The following AADACL3 variants were observed in gnomAD, a reference collection of about 807,000 sequenced individuals.
AADACL3 encodes arylacetamide deacetylase-like 3.
AADACL3 carries 13 observed loss-of-function variants against 13.6 expected under a neutral mutation model. The ratio of observed to expected loss-of-function variants is 0.95; its 90% CI spans 0.62 to 1.52. The LOEUF (loss-of-function observed/expected upper bound fraction) is 1.52, where lower values mean the gene tolerates loss of function less well. AADACL3 is among the 40% of genes most tolerant of loss of function. The pLI is 0.00. For missense variants in AADACL3, 519 were observed against 499.2 expected (o/e 1.04, Z -0.38); for synonymous variants, 195 against 197.0 (o/e 0.99, Z 0.08).
chr1:12,720,872 T>C lies in AADACL3; in HGVS notation c.386-11T>C. 6.2e-7 allele frequency: 1 copy of C among 1,609,610 alleles called. No individual in the cohort carries two copies. Among genetic ancestry groups the C allele is most frequent in the East Asian group, 2.2e-5 (1 of 44,644 alleles). On this transcript the variant is annotated splice_polypyrimidine_tract_variant and intron_variant, in intron 2 of 3. Transcript: ENST00000359318. The stretch of plus-strand genomic sequence containing the variant: ...CTTCCTAGTGAATCTTAAAAACCAT[T>C]TATTTTCTAGAAACCCACCATGGCA...
At position 12,726,357 on chromosome 1, in the gene AADACL3, G is replaced by A. The variant is rs1311281585; in HGVS notation, c.*361G>A. ...TTGATCCAGACTGTGTGTGACTTTC[G>A]TCCATTTGACTTGACTTTGGAATAG... On this transcript the variant is annotated 3_prime_UTR_variant, in exon 4 of 4. Coordinates refer to ENST00000359318, the MANE Select transcript of AADACL3 (RefSeq NM_001103170.3). 4 of 218,174 alleles carry A rather than the reference G, an allele frequency of 1.8e-5. No homozygotes were observed. Among genetic ancestry groups the A allele is most frequent in the Non-Finnish European group, 3.6e-5 (4 of 110,882 alleles). The allele number at this position is 218,174 out of a possible 1,614,324, so 13.5% of individuals were successfully genotyped here. A position where few individuals can be genotyped will look rare whatever the true frequency, so the allele number is the denominator to read the frequency against.
rs1648426225 is a variant in AADACL3 at position 12,716,160 on chromosome 1, T to C, written c.-17T>C. Reference sequence around the variant, plus strand: ...TGCGCACAGCTTCCTCTCAGCCCGCTCTGAGCTGGAAGCAGCATGTGGGAC... The same window carrying C: ...TGCGCACAGCTTCCTCTCAGCCCGCCCTGAGCTGGAAGCAGCATGTGGGAC... On this transcript the variant is annotated 5_prime_UTR_variant, in exon 1 of 4. Transcript: ENST00000359318. 1 of 755,634 alleles carries C rather than the reference T, an allele frequency of 1.3e-6. No individual in the cohort carries two copies. Among genetic ancestry groups the C allele is most frequent in the African/African-American group, 1.7e-5 (1 of 58,844 alleles). The allele number at this position is 755,634 out of a possible 1,614,324, so 46.8% of individuals were successfully genotyped here.
Position 12,725,873 on chromosome 1 carries a change from G to A in AADACL3, c.1101G>A (p.Val367=), listed in dbSNP as rs1216121928. The A allele has an allele frequency of 2.5e-6, 4 of 1,614,088 alleles. No individual in the cohort carries two copies. The highest frequency in any genetic ancestry group is 3.4e-6 in the Non-Finnish European group (4 of 1,180,042). ...KKRLEDLGVP[V]TWHHMEDGFH... ...GGCTGGAAGACCTGGGAGTGCCCGTGACCTGGCACCATATGGAGGATGGTT... is the reference window on the plus strand; with the variant it reads ...GGCTGGAAGACCTGGGAGTGCCCGTAACCTGGCACCATATGGAGGATGGTT... The change falls in exon 4 of 4, where the codon GTG becomes GTA. Residue 367 remains valine, a synonymous_variant. Coordinates refer to ENST00000359318, the MANE Select transcript of AADACL3 (RefSeq NM_001103170.3).
At chr1:12,719,393 G>A in intron 1 of AADACL3, 82 bp from the exon 2 acceptor site, 1 of 1,341,692 alleles carries the variant, frequency 7.5e-7, no homozygotes, top group African/African-American at 1.4e-5. Flanking sequence ...TGCCACCTGT[G>A]GAGGGCAGGT....
chr1:12,726,557 T>C lies in AADACL3; in HGVS notation c.*561T>C, dbSNP rs1639910921. 6.5e-6 allele frequency: 1 copy of C among 152,884 alleles called. No homozygotes were observed. Among genetic ancestry groups the C allele is most frequent in the Non-Finnish European group, 1.5e-5 (1 of 68,604 alleles). 9.5% of individuals were successfully genotyped at this position (152,884 alleles called of 1,614,324 possible). A position where few individuals can be genotyped will look rare whatever the true frequency, so the allele number is the denominator to read the frequency against. ...TGTTTCTCAGCCTCTGGGATCAGAG[T>C]CTTCACTGTCTGGGCTGGAAACTTT... is the stretch of plus-strand genomic sequence containing the variant. On this transcript the variant is annotated 3_prime_UTR_variant, in exon 4 of 4. Transcript: ENST00000359318.
chr1:12,720,474 G>A (rs549986578), intron 2 of AADACL3, among the ~76,000 whole-genome samples: 1 of 152,230 alleles, frequency 6.6e-6, no homozygotes, highest in South Asian at 2.1e-4. Context: ...AACACTCTAC[G>A]AGTTAGATAT....
chr1:12,720,824 T>A (rs1638237391), intron 2 of AADACL3, 59 bp from the exon 3 acceptor site: 2 of 1,470,396 alleles, frequency 1.4e-6, no homozygotes, highest in East Asian at 4.7e-5. Flanking sequence ...AAGAAGACGG[T>A]GACAATGGCT....
At chr1:12,719,235 T>C (rs1277627233) in intron 1 of AADACL3, among the ~76,000 whole-genome samples, 1 of 151,982 alleles carries the variant, frequency 6.6e-6, no homozygotes, top group Non-Finnish European at 1.5e-5. Flanking sequence ...CAGTGGAAGG[T>C]GTCAGGAGAG....
chr1:12,723,161 T>C (rs1357787272), intron 3 of AADACL3, among the ~76,000 whole-genome samples: 2 of 152,134 alleles, frequency 1.3e-5, no homozygotes, highest in African/African-American at 4.8e-5. Context: ...TGTGAGCCAC[T>C]ATGCCTGCCC....
chr1:12,717,461 C>T lies in AADACL3; in HGVS notation c.168+1117C>T, dbSNP rs565509363. Among the ~76,000 whole-genome samples the T allele has an allele frequency of 8.5e-5, 13 of 152,334 alleles. No individual in the cohort carries two copies. In the East Asian group the frequency reaches 9.6e-4, roughly 11 times the overall value. On this transcript the variant is annotated intron_variant, in intron 1 of 3. Coordinates refer to ENST00000359318, the MANE Select transcript of AADACL3 (RefSeq NM_001103170.3). The stretch of plus-strand genomic sequence containing the variant: ...AGAAGGCTTATTATAATGCCTGACA[C>T]AGAGGGAGCCCTCCTTAAATAGTAG...
rs575192526 is a variant in AADACL3 at position 12,727,573 on chromosome 1, G to T, written c.*1577G>T. On this transcript the variant is annotated 3_prime_UTR_variant, in exon 4 of 4. Coordinates refer to ENST00000359318, the MANE Select transcript of AADACL3 (RefSeq NM_001103170.3). ...TGGTTAGTGGTCTTTACAGGCCAAG[G>T]TCAAGGCCATTGCACAAAAAACCCT... 1 of 152,342 alleles carries T rather than the reference G, an allele frequency of 6.6e-6. No homozygotes were observed. The highest frequency in any genetic ancestry group is 1.5e-5 in the Non-Finnish European group (1 of 68,050). 9.4% of individuals were successfully genotyped at this position (152,342 alleles called of 1,614,324 possible).
At position 12,719,595 on chromosome 1, in the gene AADACL3, AT is replaced by A; in HGVS notation, c.290del (p.Ile97ThrfsTer3). 5.0e-6 allele frequency: 8 copies of A among 1,614,080 alleles called. No individual in the cohort carries two copies. The highest frequency in any genetic ancestry group is 6.8e-6 in the Non-Finnish European group (8 of 1,179,980). ...GGTCACGGATTTCCGCTTTGGGACA[AT>A]CCCTGTGAAGCTGTACCAACCCAAG... is the stretch of plus-strand genomic sequence containing the variant. Reference protein sequence around the residue: ...VVVTDFRFGTIPVKLYQPKAS... With the variant: ...VVVTDFRFGTXPVKLYQPKAS... On this transcript the variant is annotated frameshift_variant, in exon 2 of 4. Coordinates refer to ENST00000359318, the MANE Select transcript of AADACL3 (RefSeq NM_001103170.3). LOFTEE classifies it high-confidence loss of function.
In AADACL3 at chr1:12,725,859, C is replaced by T. The variant is rs200358413; in HGVS notation, c.1087C>T (p.Leu363=). Reference sequence around the variant, plus strand: ...GTTGTACAAGAAAAGGCTGGAAGACCTGGGAGTGCCCGTGACCTGGCACCA... The same window carrying T: ...GTTGTACAAGAAAAGGCTGGAAGACTTGGGAGTGCCCGTGACCTGGCACCA... ...SLLYKKRLED[L]GVPVTWHHME... Residue 363 remains leucine (L), a synonymous_variant, in exon 4 of 4, where the codon CTG becomes TTG. Coordinates refer to ENST00000359318, the MANE Select transcript of AADACL3 (RefSeq NM_001103170.3). The T allele has an allele frequency of 6.2e-7, 1 of 1,614,202 alleles. No homozygotes were observed.
In AADACL3 at chr1:12,726,149, C is replaced by A; in HGVS notation, c.*153C>A. 2 of 784,442 alleles carry A rather than the reference C, an allele frequency of 2.5e-6. No individual in the cohort carries two copies. The highest frequency in any genetic ancestry group is 4.0e-6 in the Non-Finnish European group (2 of 504,846). The allele number at this position is 784,442 out of a possible 1,614,324, so 48.6% of individuals were successfully genotyped here. On this transcript the variant is annotated 3_prime_UTR_variant, in exon 4 of 4. Transcript: ENST00000359318. Reference sequence around the variant, plus strand: ...TTCTGGTCCAGGTTCTAGAACCACACAATGCATGCTCCTGATGTCCAGAGG... The same window carrying A: ...TTCTGGTCCAGGTTCTAGAACCACAAAATGCATGCTCCTGATGTCCAGAGG...
At chr1:12,721,739 C>T (rs1213858831) in intron 3 of AADACL3, among the ~76,000 whole-genome samples, 1 of 152,150 alleles carries the variant, frequency 6.6e-6, no homozygotes, top group East Asian at 1.9e-4. Flanking sequence ...AAGGGAGGTC[C>T]CCCTGGCTGA....
chr1:12,720,942 G>T lies in AADACL3; in HGVS notation c.445G>T (p.Val149Phe). ...GGAGAGTGACTCCGTGGTTCTGGCA[G>T]TTGGGTGAGTAAAGGGGAGATCCCA... ...CKESDSVVLAVGYRKLPKHKF... is the reference protein window; with the variant it reads ...CKESDSVVLAFGYRKLPKHKF... Residue 149 changes from valine to phenylalanine, a missense_variant, in exon 3 of 4, where the codon GTT becomes TTT. Coordinates refer to ENST00000359318, the MANE Select transcript of AADACL3 (RefSeq NM_001103170.3). 1 of 1,609,090 alleles carries T rather than the reference G, an allele frequency of 6.2e-7. No individual in the cohort carries two copies. Among genetic ancestry groups the T allele is most frequent in the Non-Finnish European group, 8.5e-7 (1 of 1,177,068 alleles).
chr1:12,721,877 C>A (rs1638269095), intron 3 of AADACL3, among the ~76,000 whole-genome samples: 1 of 152,244 alleles, frequency 6.6e-6, no homozygotes, highest in Non-Finnish European at 1.5e-5. Context: ...GTCCCCTGTC[C>A]TGCTGCCTGA....
In AADACL3 at chr1:12,719,709, A is replaced by C; in HGVS notation, c.385+18A>C. 1 of 1,607,304 alleles carries C rather than the reference A, an allele frequency of 6.2e-7. No individual in the cohort carries two copies. Among genetic ancestry groups the C allele is most frequent in the Non-Finnish European group, 8.5e-7 (1 of 1,174,626 alleles). On this transcript the variant is annotated intron_variant, in intron 2 of 3. Coordinates refer to ENST00000359318, the MANE Select transcript of AADACL3 (RefSeq NM_001103170.3). ...GAGTTTGAGTAAGAACCATTTTCTC[A>C]GACCTCCTAAAGGGTGGTGGCACCC...
chr1:12,725,101 C>A lies in AADACL3; in HGVS notation c.450-121C>A, dbSNP rs1638337732. 8 of 1,119,624 alleles carry A rather than the reference C, an allele frequency of 7.1e-6. 1 individual carries two copies. In the South Asian group the frequency reaches 1.2e-4, roughly 17 times the overall value. The allele number at this position is 1,119,624 out of a possible 1,614,324, so 69.4% of individuals were successfully genotyped here. A position where few individuals can be genotyped will look rare whatever the true frequency, so the allele number is the denominator to read the frequency against. On this transcript the variant is annotated intron_variant, in intron 3 of 3. Coordinates refer to ENST00000359318, the MANE Select transcript of AADACL3 (RefSeq NM_001103170.3). ...CATCTCATTTAAGCCTCACACCTAA[C>A]TTTAACTGCTCAAGTTTCACAAAGG...
Sources: allele counts gnomAD v4.1 joint callset (sites outside exome capture counted in the v4.1 genomes callset), GRCh38; gene constraint gnomAD v4.1.1; transcripts MANE v1.5; gene names NCBI Gene and HGNC (gene_info 2026-07-23, HGNC 2026-07-21).